The following DOCK2 variants were observed in gnomAD, a reference collection of about 807,000 sequenced individuals.
The protein encoded by DOCK2 is dedicator of cytokinesis protein 2.
Under a neutral mutation model 248.9 loss-of-function variants are expected in DOCK2, and 87 were observed. The observed-to-expected ratio is 0.35, with a 90% CI of 0.29 to 0.42. The LOEUF is 0.42. Among genes scored for constraint, DOCK2 ranks in the 10% least tolerant of loss-of-function variants. DOCK2 has a pLI of 1.00. For synonymous variants in DOCK2, 805 were observed against 821.6 expected (o/e 0.98, Z 0.35); for missense variants, 1,747 against 2,300.2 (o/e 0.76, Z 4.92).
At chr5:169,797,168 G>T (rs1766703793) in intron 25 of DOCK2, among the ~76,000 whole-genome samples, 1 of 152,182 alleles carries the variant, frequency 6.6e-6, no homozygotes, top group African/African-American at 2.4e-5. Context: ...GTGTGACTGG[G>T]GGTGTCCTCA....
At chr5:170,068,396 C>A (rs1757568827) in intron 45 of DOCK2, among the ~76,000 whole-genome samples, 2 of 152,192 alleles carry the variant, frequency 1.3e-5, no homozygotes, top group African/African-American at 4.8e-5. Flanking sequence ...AAAATGAACT[C>A]CTCATTCTAA....
Position 169,765,889 on chromosome 5 carries a change from T to C in DOCK2, c.2554+4264T>C, listed in dbSNP as rs529903920. Among the ~76,000 whole-genome samples the C allele has an allele frequency of 5.9e-5, 9 of 152,330 alleles. No individual in the cohort carries two copies. In the South Asian group the frequency reaches 1.7e-3, roughly 28 times the overall value. On this transcript the variant is annotated intron_variant, in intron 25 of 51. Coordinates refer to ENST00000520908, the MANE Select transcript of DOCK2 (RefSeq NM_004946.3). ...CTTAGCTTCCTTCTTCCCTCTCATC[T>C]GTTGCCCACAGTATCTGGAGATGCT...
At chr5:169,783,111 A>T (rs1765799161) in intron 25 of DOCK2, among the ~76,000 whole-genome samples, 1 of 152,244 alleles carries the variant, frequency 6.6e-6, no homozygotes, top group South Asian at 2.1e-4. Flanking sequence ...GCGCCATGAG[A>T]CTTCAGAGGA....
chr5:169,797,190 C>G (rs909410632), intron 25 of DOCK2, among the ~76,000 whole-genome samples: 1 of 152,172 alleles, frequency 6.6e-6, no homozygotes, highest in Non-Finnish European at 1.5e-5. Context: ...TCTTGAGAGA[C>G]AGCAAAGGAG....
At chr5:169,816,954 C>A (rs1285344068) in intron 26 of DOCK2, among the ~76,000 whole-genome samples, 4 of 152,218 alleles carry the variant, frequency 2.6e-5, no homozygotes, top group African/African-American at 9.6e-5. Context: ...CAACCTGAAT[C>A]TAGCCCACAG....
chr5:169,990,028 G>T (rs73327875), intron 29 of DOCK2, among the ~76,000 whole-genome samples: 2 of 151,574 alleles, frequency 1.3e-5, no homozygotes. Flanking sequence ...GTGATTATTC[G>T]TTTTTGGGGT....
intron 27 of DOCK2, among the ~76,000 whole-genome samples, chr5:169,858,339 G>A (rs557037458): frequency 6.6e-6 from 1 of 152,322 alleles, no homozygotes; most frequent in South Asian, 2.1e-4. Context: ...GGTCTGGGCT[G>A]AGTTGGTGGT....
chr5:169,917,958 A>G (rs1219628854), intron 27 of DOCK2, among the ~76,000 whole-genome samples: 1 of 152,228 alleles, frequency 6.6e-6, no homozygotes, highest in Non-Finnish European at 1.5e-5. Flanking sequence ...CAAAACCAGG[A>G]CTGAAAGGAG....
intron 27 of DOCK2, among the ~76,000 whole-genome samples, chr5:169,913,360 T>C (rs1310488646): frequency 2.0e-5 from 3 of 152,188 alleles, no homozygotes; most frequent in Non-Finnish European, 4.4e-5. Flanking sequence ...TAGAACTATA[T>C]AGAAGCTCCC....
rs188705500 is a variant in DOCK2, at chr5:169,823,059, G to C, written c.2704-17698G>C. 1.6e-3 allele frequency among the ~76,000 whole-genome samples: 243 copies of C among 152,248 alleles called. 1 individual carries two copies. Among genetic ancestry groups the C allele is most frequent in the African/African-American group, 5.7e-3 (237 of 41,522 alleles). Reference sequence around the variant, plus strand: ...TTCCTCCATACATACACCCTCCCAAGACTAAACCAAGAAGAAGTTGAATGT... The same window carrying C: ...TTCCTCCATACATACACCCTCCCAACACTAAACCAAGAAGAAGTTGAATGT... On this transcript the variant is annotated intron_variant, in intron 26 of 51. Coordinates refer to ENST00000520908, the MANE Select transcript of DOCK2 (RefSeq NM_004946.3).
chr5:169,988,069 A>G, intron 29 of DOCK2, among the ~76,000 whole-genome samples: 1 of 152,224 alleles, frequency 6.6e-6, no homozygotes. Flanking sequence ...TAGCGTTGCC[A>G]TCACTAGGTG....
chr5:170,047,804 G>A (rs951628327), intron 40 of DOCK2, among the ~76,000 whole-genome samples, 190 bp downstream of exon 40: 2 of 152,142 alleles, frequency 1.3e-5, no homozygotes, highest in Admixed American at 6.5e-5. Context: ...CTCATCTACT[G>A]TGTTTCTCTA....
At chr5:169,683,195 G>A (rs78348302) in intron 7 of DOCK2, among the ~76,000 whole-genome samples, 8,154 of 152,182 alleles carry the variant, frequency 0.054, 256 homozygotes, top group South Asian at 0.12. Flanking sequence ...ACTTTTTAAG[G>A]TATTGCCATG....
chr5:169,891,995 C>CA (rs571918885), intron 27 of DOCK2, among the ~76,000 whole-genome samples: 1,587 of 63,282 alleles, frequency 0.025, 19 homozygotes, highest in African/African-American at 0.065. Context: ...GATTCCGTCC[C>CA]AAAAAAAAAA....
rs113093268 is a variant in DOCK2, at chr5:170,034,666, G to A, written c.3624+111G>A. On this transcript the variant is annotated intron_variant, in intron 35 of 51. Transcript: ENST00000520908. ...AGGGAAGCAGTGCTTAAGGGCTTTGGAAAGCAGACAAATGTGGAATGGAAC... is the reference window on the plus strand; with the variant it reads ...AGGGAAGCAGTGCTTAAGGGCTTTGAAAAGCAGACAAATGTGGAATGGAAC... 1.9e-4 allele frequency: 273 copies of A among 1,422,528 alleles called. No homozygotes were observed. In the African/African-American group the frequency reaches 3.4e-3, roughly 18 times the overall value. The allele number at this position is 1,422,528 out of a possible 1,614,324, so 88.1% of individuals were successfully genotyped here. A position where few individuals can be genotyped will look rare whatever the true frequency, so the allele number is the denominator to read the frequency against.
intron 47 of DOCK2, 36 bp downstream of exon 47, chr5:170,076,120 T>C (rs773791286): frequency 1.3e-6 from 2 of 1,589,264 alleles, no homozygotes; most frequent in Non-Finnish European, 1.7e-6. Flanking sequence ...GGGGTGGGAT[T>C]GTGCAGGGTG....
At chr5:169,813,741 T>C (rs968640681) in intron 26 of DOCK2, among the ~76,000 whole-genome samples, 1 of 152,202 alleles carries the variant, frequency 6.6e-6, no homozygotes, top group Non-Finnish European at 1.5e-5. Flanking sequence ...ATAGTTCTCA[T>C]TGATCTGCTG....
chr5:169,991,007 T>C (rs1778192395), intron 29 of DOCK2, among the ~76,000 whole-genome samples: 1 of 152,264 alleles, frequency 6.6e-6, no homozygotes. Flanking sequence ...GGGCCCCTGC[T>C]TCATGTACTG....
intron 27 of DOCK2, among the ~76,000 whole-genome samples, chr5:169,896,191 G>A (rs1773596127): frequency 6.6e-6 from 1 of 152,104 alleles, no homozygotes; most frequent in African/African-American, 2.4e-5. Flanking sequence ...GGGGCGGGGA[G>A]GCAGTCAGCA....
Sources: allele counts gnomAD v4.1 joint callset (sites outside exome capture counted in the v4.1 genomes callset), GRCh38; gene constraint gnomAD v4.1.1; transcripts MANE v1.5; gene names NCBI Gene and HGNC (gene_info 2026-07-23, HGNC 2026-07-21).